Variants in PRKAR1A observed in about 807,000 individuals in gnomAD.
PRKAR1A encodes cAMP-dependent protein kinase type I-alpha regulatory subunit.
PRKAR1A carries 3 observed loss-of-function variants against 52.0 expected under a neutral mutation model. The ratio of observed to expected loss-of-function variants is 0.06; its 90% CI spans 0.03 to 0.15. The LOEUF (loss-of-function observed/expected upper bound fraction) is 0.15, where lower values mean the gene tolerates loss of function less well. PRKAR1A is among the 10% of genes least tolerant of loss of function. The probability of loss-of-function intolerance (pLI) is 1.00; values close to 1 mark genes in which losing one functional copy is unlikely to be tolerated. For missense variants in PRKAR1A, 240 were observed against 477.4 expected, an observed-to-expected ratio of 0.50 and a Z score of 4.63; for synonymous variants, 188 against 168.4, an observed-to-expected ratio of 1.12 and a Z score of -0.90.
At chr17:68,486,498 C>T in the PRKAR1A span, among the ~76,000 whole-genome samples, 220 of 40,180 alleles carry the variant, frequency 5.5e-3, 1 homozygote, top group East Asian at 0.025. Flanking sequence ...TCCTTCCTTC[C>T]TTCCTTCCTT....
the PRKAR1A span, among the ~76,000 whole-genome samples, chr17:68,477,036 G>C: frequency 5.9e-4 from 90 of 152,198 alleles, 1 homozygote; most frequent in African/African-American, 2.1e-3. Flanking sequence ...TATGGCTTTT[G>C]CTATTTATTC....
intron 2 of PRKAR1A, 33 bp from the exon 3 acceptor site, chr17:68,522,723 G>A: frequency 6.2e-7 from 1 of 1,612,524 alleles, no homozygotes; most frequent in Non-Finnish European, 8.5e-7. Context: ...CATGCCGAAG[G>A]ATCTCATTTT....
the PRKAR1A span, among the ~76,000 whole-genome samples, chr17:68,462,137 G>A: frequency 6.6e-6 from 1 of 152,192 alleles, no homozygotes; most frequent in Non-Finnish European, 1.5e-5. Context: ...CAGGAAAAAT[G>A]TTATTTCATG....
At chr17:68,535,044 C>A, downstream of PRKAR1A, 1 of 318,582 alleles carries the variant, frequency 3.1e-6, no homozygotes, top group Non-Finnish European at 6.2e-6. Context: ...CGAATTCTTC[C>A]AAATGCCTCT....
the PRKAR1A span, among the ~76,000 whole-genome samples, chr17:68,494,593 AG>A: frequency 6.6e-6 from 1 of 152,128 alleles, no homozygotes; most frequent in Non-Finnish European, 1.5e-5. Context: ...TGGGACTTCA[AG>A]GGTAAGTTAT....
chr17:68,456,277 A>AT, the PRKAR1A span, among the ~76,000 whole-genome samples: 1 of 152,252 alleles, frequency 6.6e-6, no homozygotes, highest in Admixed American at 6.5e-5. Context: ...AAACAGAAAC[A>AT]TAAAGGGAAT....
the PRKAR1A span, among the ~76,000 whole-genome samples, chr17:68,434,966 C>T: frequency 2.6e-5 from 4 of 152,192 alleles, no homozygotes; most frequent in South Asian, 8.3e-4. Flanking sequence ...CTTTGGGAGG[C>T]CAAGGCGGGT....
intron 2 of PRKAR1A, among the ~76,000 whole-genome samples, chr17:68,516,536 A>T (rs1233473527): frequency 6.6e-6 from 1 of 152,028 alleles, no homozygotes; most frequent in Non-Finnish European, 1.5e-5. Context: ...ATGATTATCT[A>T]ATTGTATAAT....
rs771423992 is a variant in PRKAR1A at position 68,540,970 on chromosome 17, A to G, written c.974-10114A>G. ...GATTGACCTCCCACCTGAGGGGGAG[A>G]AGAAGTCCTGGGGCTGGAAAAGCCA... On this transcript the variant is annotated intron_variant, in intron 11 of 11. Transcript: ENST00000585981. 5.7e-6 allele frequency: 9 copies of G among 1,572,224 alleles called. No individual in the cohort carries two copies. In the East Asian group the frequency reaches 6.9e-5, roughly 12 times the overall value.
intron 9 of PRKAR1A, 93 bp downstream of exon 9, chr17:68,529,084 T>A: frequency 1.4e-6 from 2 of 1,477,058 alleles, no homozygotes; most frequent in Non-Finnish European, 1.9e-6. Context: ...AGGGAAAGAG[T>A]GGGCTAATTC....
chr17:68,512,784 GCCC>G (rs558586032), intron 1 of PRKAR1A: 1 of 151,758 alleles, frequency 6.6e-6, no homozygotes. Context: ...CTCCCCAGCC[GCCC>G]CGCTCGCGCT....
the PRKAR1A span, among the ~76,000 whole-genome samples, chr17:68,494,626 C>T: frequency 1.3e-5 from 2 of 152,108 alleles, no homozygotes; most frequent in African/African-American, 2.4e-5. Flanking sequence ...CAGCTTTTGC[C>T]TGCCTCTCAT....
At chr17:68,487,151 C>G in the PRKAR1A span, among the ~76,000 whole-genome samples, 1 of 152,166 alleles carries the variant, frequency 6.6e-6, no homozygotes. Context: ...GGATTACAGG[C>G]GTGAGCCACT....
At chr17:68,418,827 C>T in the PRKAR1A span, among the ~76,000 whole-genome samples, 2 of 152,178 alleles carry the variant, frequency 1.3e-5, no homozygotes, top group African/African-American at 2.4e-5. Flanking sequence ...AGAAAAAGCT[C>T]TGCTTCTCCT....
chr17:68,536,205 A>G (rs1431913849), downstream of PRKAR1A: 1 of 454,014 alleles, frequency 2.2e-6, no homozygotes, highest in Non-Finnish European at 4.4e-6. Flanking sequence ...CTGGTTCTTG[A>G]CCTTGTACTC....
intron 11 of PRKAR1A, among the ~76,000 whole-genome samples, chr17:68,548,292 G>C (rs2086660611): frequency 6.6e-6 from 1 of 152,004 alleles, no homozygotes; most frequent in Non-Finnish European, 1.5e-5. Flanking sequence ...CACTTTGGGA[G>C]GCTGAGGTGG....
chr17:68,426,582 G>C, the PRKAR1A span, among the ~76,000 whole-genome samples: 1 of 152,188 alleles, frequency 6.6e-6, no homozygotes, highest in African/African-American at 2.4e-5. Context: ...ACCCAGGCTG[G>C]AGTGCAGTGG....
At chr17:68,440,112 G>A in the PRKAR1A span, among the ~76,000 whole-genome samples, 1 of 152,194 alleles carries the variant, frequency 6.6e-6, no homozygotes, top group Admixed American at 6.5e-5. Context: ...GTGAGGGCAG[G>A]CATACTCTGA....
the PRKAR1A span, chr17:68,441,163 C>T: frequency 6.6e-6 from 1 of 152,228 alleles, no homozygotes; most frequent in Admixed American, 6.5e-5. Flanking sequence ...CCACCCTTGA[C>T]TGCTCAGAGC....
Sources: gnomAD v4.1 joint callset for allele counts (sites outside exome capture counted in the v4.1 genomes callset) on GRCh38, gnomAD v4.1.1 for gene constraint, MANE v1.5 for transcripts, NCBI Gene and HGNC (gene_info 2026-07-23, HGNC 2026-07-21) for gene names.